The following RBMS3 variants were observed in gnomAD, a reference collection of about 807,000 sequenced individuals.
The protein encoded by RBMS3 is RNA-binding motif, single-stranded-interacting protein 3.
In RBMS3, 27 loss-of-function variants were observed where a neutral mutation model predicts 66.8. The observed-to-expected ratio is 0.40, with a 90% confidence interval of 0.30 to 0.56. RBMS3 has a LOEUF of 0.56. Among genes scored for constraint, RBMS3 ranks in the 20% least tolerant of loss-of-function variants. RBMS3 has a pLI of 0.40. For missense variants in RBMS3, 513 were observed against 549.5 expected, an observed-to-expected ratio of 0.93 and a Z score of 0.66; for synonymous variants, 188 against 183.0, an observed-to-expected ratio of 1.03 and a Z score of -0.22.
chr3:29,634,991 T>C (rs1559525819), intron 4 of RBMS3, among the ~76,000 whole-genome samples: 1 of 151,942 alleles, frequency 6.6e-6, no homozygotes, highest in Admixed American at 6.6e-5. Flanking sequence ...GAAGCATTTC[T>C]ACTTCTCACT....
At chr3:29,921,220 G>A (rs974981744) in intron 10 of RBMS3, among the ~76,000 whole-genome samples, 7 of 151,412 alleles carry the variant, frequency 4.6e-5, no homozygotes, top group African/African-American at 1.5e-4. Context: ...CCGCCACCAC[G>A]CCTGGCTAAT....
chr3:29,592,741 A>C (rs1437025623), intron 4 of RBMS3, among the ~76,000 whole-genome samples: 1 of 152,126 alleles, frequency 6.6e-6, no homozygotes. Flanking sequence ...CATAATAGCA[A>C]AGACTTGGAA....
intron 12 of RBMS3, among the ~76,000 whole-genome samples, chr3:29,965,846 T>C (rs930099624): frequency 6.6e-6 from 1 of 152,214 alleles, no homozygotes; most frequent in African/African-American, 2.4e-5. Context: ...TCTTCCAGAA[T>C]TTTTATAATT....
chr3:29,926,995 T>C (rs1577168038), intron 10 of RBMS3: 1 of 152,228 alleles, frequency 6.6e-6, no homozygotes, highest in Admixed American at 6.5e-5. Flanking sequence ...ACATTGGCTG[T>C]AATATGTACA....
chr3:29,533,862 C>G (rs2045455615), intron 3 of RBMS3, among the ~76,000 whole-genome samples: 1 of 152,202 alleles, frequency 6.6e-6, no homozygotes, highest in Non-Finnish European at 1.5e-5. Flanking sequence ...TATTTCTAAC[C>G]TATTTGTTCT....
chr3:29,886,818 A>G (rs9858944), intron 8 of RBMS3, among the ~76,000 whole-genome samples: 6,596 of 151,784 alleles, frequency 0.043, 474 homozygotes, highest in African/African-American at 0.15. Flanking sequence ...TAGTACAGTT[A>G]TAGAAGTGTG....
chr3:29,611,387 T>C (rs1237202137), intron 4 of RBMS3, among the ~76,000 whole-genome samples: 1 of 152,002 alleles, frequency 6.6e-6, no homozygotes, highest in African/African-American at 2.4e-5. Context: ...GAGGTCCCTG[T>C]TGTAAATTGT....
At chr3:29,529,269 G>C (rs547059398) in intron 3 of RBMS3, among the ~76,000 whole-genome samples, 1 of 152,230 alleles carries the variant, frequency 6.6e-6, no homozygotes, top group African/African-American at 2.4e-5. Context: ...CCATATTTGA[G>C]AGGTTTTCTC....
intron 3 of RBMS3, among the ~76,000 whole-genome samples, chr3:29,498,980 A>G (rs143557310): frequency 6.6e-6 from 1 of 152,298 alleles, no homozygotes; most frequent in African/African-American, 2.4e-5. Context: ...TGTTGGCTAT[A>G]TGATAGCTTC....
chr3:29,967,322 G>A (rs1330179083), intron 12 of RBMS3, among the ~76,000 whole-genome samples: 3 of 152,004 alleles, frequency 2.0e-5, no homozygotes, highest in Non-Finnish European at 2.9e-5. Context: ...GTCTGGTCCT[G>A]GATTTGTTTT....
At chr3:29,513,481 G>T (rs939583551) in intron 3 of RBMS3, among the ~76,000 whole-genome samples, 1 of 152,054 alleles carries the variant, frequency 6.6e-6, no homozygotes, top group African/African-American at 2.4e-5. Context: ...AGATTAGGAA[G>T]TTGTATGGTC....
chr3:29,719,340 A>G (rs2053538220), intron 4 of RBMS3, among the ~76,000 whole-genome samples: 1 of 123,492 alleles, frequency 8.1e-6, no homozygotes. Context: ...GACCTTGGGC[A>G]AGTCTTTTCT....
chr3:29,311,143 T>C (rs1188481308), intron 1 of RBMS3, among the ~76,000 whole-genome samples: 2 of 151,744 alleles, frequency 1.3e-5, no homozygotes, highest in African/African-American at 2.4e-5. Flanking sequence ...CACTGGTTGA[T>C]AAACAGAGCT....
At chr3:29,696,616 A>G (rs1315429213) in intron 4 of RBMS3, among the ~76,000 whole-genome samples, 1 of 152,216 alleles carries the variant, frequency 6.6e-6, no homozygotes, top group African/African-American at 2.4e-5. Flanking sequence ...ATGAAAAGTT[A>G]GATATTTATA....
intron 13 of RBMS3, among the ~76,000 whole-genome samples, chr3:29,989,420 C>T (rs545854050): frequency 3.3e-5 from 5 of 152,230 alleles, no homozygotes; most frequent in East Asian, 1.9e-4. Context: ...TTATGGTCAC[C>T]GTGCATTCCT....
At chr3:29,662,497 G>T (rs575738673) in intron 4 of RBMS3, among the ~76,000 whole-genome samples, 1 of 152,294 alleles carries the variant, frequency 6.6e-6, no homozygotes, top group South Asian at 2.1e-4. Context: ...CAAGGAAGAA[G>T]AGGTAAGCTT....
chr3:29,641,186 T>C (rs1006058526), intron 4 of RBMS3: 3 of 152,064 alleles, frequency 2.0e-5, no homozygotes, highest in Non-Finnish European at 4.4e-5. Context: ...TTCATACATA[T>C]TGTATTTTAA....
At chr3:29,986,000 G>T (rs1053333821) in intron 12 of RBMS3, among the ~76,000 whole-genome samples, 1 of 152,196 alleles carries the variant, frequency 6.6e-6, no homozygotes, top group Non-Finnish European at 1.5e-5. Context: ...GACCAGAGTA[G>T]TATTCTACAG....
intron 10 of RBMS3, among the ~76,000 whole-genome samples, chr3:29,912,227 T>A (rs1461096855): frequency 1.3e-5 from 2 of 152,112 alleles, no homozygotes; most frequent in Non-Finnish European, 2.9e-5. Flanking sequence ...CCCGTTCTAT[T>A]TTGTTCTAAA....
Sources: gnomAD v4.1 joint callset for allele counts (sites outside exome capture counted in the v4.1 genomes callset) on GRCh38, gnomAD v4.1.1 for gene constraint, MANE v1.5 for transcripts, NCBI Gene and HGNC (gene_info 2026-07-23, HGNC 2026-07-21) for gene names.